Variants in ELP4 observed in about 807,000 individuals in gnomAD.
ELP4 encodes the protein elongator complex protein 4.
Under a neutral mutation model 48.9 loss-of-function variants are expected in ELP4, and 51 were observed. The ratio of observed to expected loss-of-function variants is 1.04; its 90% CI spans 0.83 to 1.32. The LOEUF (loss-of-function observed/expected upper bound fraction) is 1.32, where lower values mean the gene tolerates loss of function less well. Among genes scored for constraint, ELP4 ranks in the 40% most tolerant of loss-of-function variants. The pLI, the probability that ELP4 is intolerant of heterozygous loss-of-function variation, is 0.00. For synonymous variants in ELP4, 210 were observed against 189.2 expected (o/e 1.11, Z -0.90); for missense variants, 519 against 514.6 (o/e 1.01, Z -0.08).
At chr11:31,629,985 T>G (rs559445035) in intron 6 of ELP4, among the ~76,000 whole-genome samples, 9 of 152,050 alleles carry the variant, frequency 5.9e-5, no homozygotes, top group Non-Finnish European at 1.0e-4. Flanking sequence ...AGAAATGTAT[T>G]TATACTTCTA....
At chr11:31,722,021 T>C (rs1353188803) in intron 9 of ELP4, among the ~76,000 whole-genome samples, 2 of 152,192 alleles carry the variant, frequency 1.3e-5, no homozygotes, top group Non-Finnish European at 2.9e-5. Context: ...GCCAGCAGCT[T>C]CCACAATATT....
intron 3 of ELP4, among the ~76,000 whole-genome samples, chr11:31,554,866 T>C (rs1427156346): frequency 6.6e-6 from 1 of 152,204 alleles, no homozygotes; most frequent in Non-Finnish European, 1.5e-5. Context: ...ATATTATTGC[T>C]GAGACAAAAA....
At chr11:31,772,819 A>G (rs1948174651) in intron 9 of ELP4, among the ~76,000 whole-genome samples, 1 of 152,206 alleles carries the variant, frequency 6.6e-6, no homozygotes, top group Non-Finnish European at 1.5e-5. Flanking sequence ...AAAAATTATC[A>G]ATCTCTGCCA....
intron 9 of ELP4, among the ~76,000 whole-genome samples, chr11:31,744,529 AG>A (rs1447681467): frequency 2.6e-5 from 4 of 152,332 alleles, no homozygotes; most frequent in African/African-American, 9.6e-5. Context: ...CACATCAAAA[AG>A]CTTATCCACC....
chr11:31,593,035 A>T (rs1398815058), intron 3 of ELP4, among the ~76,000 whole-genome samples: 1 of 152,156 alleles, frequency 6.6e-6, no homozygotes, highest in Non-Finnish European at 1.5e-5. Context: ...AAAGATGTTA[A>T]ACCAAATACA....
At chr11:31,537,062 G>A (rs935464282) in intron 2 of ELP4, among the ~76,000 whole-genome samples, 1 of 152,094 alleles carries the variant, frequency 6.6e-6, no homozygotes, top group Non-Finnish European at 1.5e-5. Flanking sequence ...CTCCAAGGTT[G>A]CAAAGAAGGC....
At chr11:31,761,179 A>T (rs1349077329) in intron 9 of ELP4, among the ~76,000 whole-genome samples, 2 of 152,098 alleles carry the variant, frequency 1.3e-5, no homozygotes, top group Admixed American at 1.3e-4. Flanking sequence ...TCTACAAAAA[A>T]TTTCAAAAAT....
intron 2 of ELP4, 69 bp downstream of exon 2, chr11:31,520,160 A>G (rs1956189448): frequency 7.6e-7 from 1 of 1,316,706 alleles, no homozygotes; most frequent in East Asian, 2.4e-5. Flanking sequence ...ATTTTATCCA[A>G]TTCCCATTCC....
chr11:31,743,436 G>GCCC, intron 9 of ELP4, among the ~76,000 whole-genome samples: 1 of 152,122 alleles, frequency 6.6e-6, no homozygotes, highest in East Asian at 1.9e-4. Context: ...CAAATCAACA[G>GCCC]AATATACATT....
At chr11:31,624,972 C>T (rs1944707095) in intron 5 of ELP4, among the ~76,000 whole-genome samples, 1 of 151,148 alleles carries the variant, frequency 6.6e-6, no homozygotes, top group Non-Finnish European at 1.5e-5. Flanking sequence ...ATGCCTTCTT[C>T]TGGACTACCT....
intron 3 of ELP4, among the ~76,000 whole-genome samples, chr11:31,560,802 A>G (rs1957013560): frequency 6.6e-6 from 1 of 151,644 alleles, no homozygotes; most frequent in Non-Finnish European, 1.5e-5. Context: ...GGAACCACAT[A>G]CACAACAGTG....
At chr11:31,584,514 T>A (rs1055781430) in intron 3 of ELP4, among the ~76,000 whole-genome samples, 2 of 152,048 alleles carry the variant, frequency 1.3e-5, no homozygotes, top group Non-Finnish European at 2.9e-5. Context: ...ATAGTTTTTT[T>A]GTTTTGTTTT....
intron 1 of ELP4, among the ~76,000 whole-genome samples, chr11:31,517,995 A>G (rs982119552): frequency 6.6e-6 from 1 of 152,174 alleles, no homozygotes; most frequent in Non-Finnish European, 1.5e-5. Flanking sequence ...TTTTAAGTGA[A>G]TTTGTGTTTG....
At chr11:31,731,829 A>G (rs11031462) in intron 9 of ELP4, among the ~76,000 whole-genome samples, 11,271 of 152,194 alleles carry the variant, frequency 0.074, 1,110 homozygotes, top group African/African-American at 0.22. Flanking sequence ...CATCACAAAC[A>G]AGGGAAACTT....
intron 9 of ELP4, among the ~76,000 whole-genome samples, chr11:31,671,505 T>A (rs751933731): frequency 1.2e-4 from 19 of 152,184 alleles, no homozygotes; most frequent in Non-Finnish European, 2.2e-4. Context: ...ATTTAAGACA[T>A]TATAGATAAA....
chr11:31,671,980 T>C (rs1357757386), intron 9 of ELP4, among the ~76,000 whole-genome samples: 1 of 152,118 alleles, frequency 6.6e-6, no homozygotes, highest in Non-Finnish European at 1.5e-5. Flanking sequence ...AGGAACTTTG[T>C]TGTAAGCAGG....
chr11:31,698,285 TTTAA>T (rs1946451669), intron 9 of ELP4, among the ~76,000 whole-genome samples: 2 of 152,216 alleles, frequency 1.3e-5, no homozygotes, highest in Admixed American at 6.5e-5. Context: ...TTGAGCAGAT[TTTAA>T]TTAATTAAAA....
chr11:31,726,152 T>G (rs1947071897), intron 9 of ELP4, among the ~76,000 whole-genome samples: 1 of 152,114 alleles, frequency 6.6e-6, no homozygotes, highest in South Asian at 2.1e-4. Context: ...GTGAGTAAGC[T>G]TTTTTTCTAA....
At chr11:31,595,802 C>G (rs1380557812) in intron 4 of ELP4, among the ~76,000 whole-genome samples, 1 of 152,084 alleles carries the variant, frequency 6.6e-6, no homozygotes, top group African/African-American at 2.4e-5. Flanking sequence ...TGGGATCAAA[C>G]CTGTTTGATA....
Sources: gnomAD v4.1 joint callset for allele counts (sites outside exome capture counted in the v4.1 genomes callset) on GRCh38, gnomAD v4.1.1 for gene constraint, MANE v1.5 for transcripts, NCBI Gene and HGNC (gene_info 2026-07-23, HGNC 2026-07-21) for gene names.